P3H2: variants seen among roughly 807,000 people sequenced by gnomAD.
P3H2 encodes the protein prolyl 3-hydroxylase 2.
P3H2 carries 80 observed loss-of-function variants against 87.0 expected under a neutral mutation model. The ratio of observed to expected loss-of-function variants is 0.92; its 90% CI spans 0.77 to 1.11. The LOEUF (loss-of-function observed/expected upper bound fraction) is 1.11, where lower values mean the gene tolerates loss of function less well. Among genes scored for constraint, P3H2 ranks in the 50% least tolerant of loss-of-function variants. P3H2 has a pLI of 0.00. For missense variants in P3H2, 1,001 were observed against 923.9 expected, an observed-to-expected ratio of 1.08 and a Z score of -1.08; for synonymous variants, 367 against 359.3, an observed-to-expected ratio of 1.02 and a Z score of -0.24.
rs1577239617 is a variant in P3H2, at chr3:189,960,255, G to C, written c.2035-2251C>G. On this transcript the variant is annotated intron_variant, in intron 14 of 14. Transcript: ENST00000319332. Reference sequence around the variant, plus strand: ...CTTTCACTCCAGAATCAGTTGTCTTGTTCCATTTTCCACACATCATTGGTC... The same window carrying C: ...CTTTCACTCCAGAATCAGTTGTCTTCTTCCATTTTCCACACATCATTGGTC... Among the ~76,000 whole-genome samples, 3 of 152,198 alleles carry C rather than the reference G, an allele frequency of 2.0e-5. 1 individual carries two copies. Among genetic ancestry groups the C allele is most frequent in the South Asian group, 2.1e-4 (1 of 4,826 alleles).
At chr3:190,105,908 C>A (rs1251954418) in intron 1 of P3H2, among the ~76,000 whole-genome samples, 1 of 152,178 alleles carries the variant, frequency 6.6e-6, no homozygotes, top group Non-Finnish European at 1.5e-5. Context: ...ACTTGTAACC[C>A]TCTACTACTT....
At chr3:190,087,896 TTA>T (rs1355084281) in intron 1 of P3H2, among the ~76,000 whole-genome samples, 1 of 152,220 alleles carries the variant, frequency 6.6e-6, no homozygotes. Context: ...AGATGCCTTA[TTA>T]TATATCACAC....
At chr3:189,982,419 T>C (rs1219051274) in intron 8 of P3H2, among the ~76,000 whole-genome samples, 2 of 152,214 alleles carry the variant, frequency 1.3e-5, no homozygotes, top group Admixed American at 1.3e-4. Context: ...TGGCTCTACT[T>C]AAAAACTGTT....
At chr3:190,043,163 A>G (rs1416329410) in intron 1 of P3H2, among the ~76,000 whole-genome samples, 1 of 141,130 alleles carries the variant, frequency 7.1e-6, no homozygotes, top group Non-Finnish European at 1.6e-5. Context: ...GTGTGTGTTC[A>G]TGTGCACATG....
chr3:190,103,978 G>C (rs1378393791), intron 1 of P3H2, among the ~76,000 whole-genome samples: 1 of 152,032 alleles, frequency 6.6e-6, no homozygotes, highest in Non-Finnish European at 1.5e-5. Flanking sequence ...TTTTAGTAGA[G>C]ACGGGACTTC....
chr3:189,962,715 C>T (rs767726113), intron 14 of P3H2, among the ~76,000 whole-genome samples: 11 of 152,148 alleles, frequency 7.2e-5, no homozygotes, highest in Non-Finnish European at 1.3e-4. Context: ...TAAAAGGTCA[C>T]AATAGGTCTT....
At chr3:190,045,993 G>C (rs746920691) in intron 1 of P3H2, among the ~76,000 whole-genome samples, 4 of 152,074 alleles carry the variant, frequency 2.6e-5, no homozygotes, top group Admixed American at 6.5e-5. Context: ...CGTGGTGGCG[G>C]GCGCCTGTGG....
At chr3:190,111,286 T>G (rs1473506584) in intron 1 of P3H2, among the ~76,000 whole-genome samples, 2 of 135,632 alleles carry the variant, frequency 1.5e-5, no homozygotes, top group African/African-American at 6.4e-5. Flanking sequence ...TTAACTTCGT[T>G]AAGCTTGTGT....
chr3:190,006,141 G>A (rs1321672979), intron 1 of P3H2, among the ~76,000 whole-genome samples: 1 of 152,178 alleles, frequency 6.6e-6, no homozygotes, highest in East Asian at 1.9e-4. Context: ...AAGTTTGGGA[G>A]AGATCTACTT....
intron 1 of P3H2, among the ~76,000 whole-genome samples, chr3:190,021,435 T>C (rs1385226469): frequency 7.4e-6 from 1 of 135,560 alleles, no homozygotes; most frequent in Non-Finnish European, 1.7e-5. Flanking sequence ...TTTTTTGTTC[T>C]GTAACAAATA....
intron 1 of P3H2, among the ~76,000 whole-genome samples, chr3:190,075,049 C>G (rs1386889349): frequency 1.3e-5 from 2 of 152,260 alleles, no homozygotes; most frequent in Non-Finnish European, 2.9e-5. Flanking sequence ...CCACTCCACT[C>G]ACACCTTTTA....
At chr3:190,077,673 C>A (rs77319728) in intron 1 of P3H2, among the ~76,000 whole-genome samples, 1,632 of 152,142 alleles carry the variant, frequency 0.011, 34 homozygotes, top group African/African-American at 0.037. Flanking sequence ...TCAAAAGATA[C>A]AATGAAGGAT....
chr3:190,012,508 C>T (rs1018932530), intron 1 of P3H2, among the ~76,000 whole-genome samples: 1 of 152,126 alleles, frequency 6.6e-6, no homozygotes, highest in Non-Finnish European at 1.5e-5. Flanking sequence ...TCTCATTATT[C>T]TCTGCTGTTT....
At chr3:190,120,901 G>T (rs575524720), upstream of P3H2, 82 of 1,043,016 alleles carry the variant, frequency 7.9e-5, no homozygotes, top group African/African-American at 1.2e-3. Flanking sequence ...GAGAGGCGGA[G>T]GCCGTGCCTG....
chr3:190,023,798 A>G (rs956933399), intron 1 of P3H2, among the ~76,000 whole-genome samples: 24 of 152,226 alleles, frequency 1.6e-4, no homozygotes, highest in African/African-American at 5.3e-4. Context: ...TGGATTTGCT[A>G]TGAAGGCCAA....
At chr3:189,966,121 GAAAAAGAAAGAAAGAAA>G in intron 13 of P3H2, among the ~76,000 whole-genome samples, 1 of 70,756 alleles carries the variant, frequency 1.4e-5, no homozygotes, top group Admixed American at 1.6e-4. Flanking sequence ...AAGAAAGAAA[GAAAAAGAAAGAAAGAAA>G]GAAAGAAAGA....
intron 6 of P3H2, among the ~76,000 whole-genome samples, chr3:189,985,074 TAGA>T (rs1285300979): frequency 8.6e-5 from 13 of 152,004 alleles, no homozygotes; most frequent in Admixed American, 8.5e-4. Context: ...ATTAATATAT[TAGA>T]AGGTGTTATA....
In P3H2 at chr3:189,994,204, C is replaced by T; in HGVS notation, c.713G>A (p.Arg238Lys). 1.2e-6 allele frequency: 2 copies of T among 1,613,948 alleles called. No individual in the cohort carries two copies. Among genetic ancestry groups the T allele is most frequent in the Non-Finnish European group, 1.7e-6 (2 of 1,179,932 alleles). ...TTCTGTATCTTCAACGAAATATTCT[C>T]TTAAGGCTTGTTCGAAGTGCCTGAT... Reference protein sequence around the residue: ...MAIRHFEQALREYFVEDTECR... With the variant: ...MAIRHFEQALKEYFVEDTECR... Residue 238 changes from arginine (R) to lysine (K), a missense_variant, in exon 3 of 15, where the codon AGA becomes AAA. Transcript: ENST00000319332.
chr3:189,978,342 G>GT (rs35188967), intron 8 of P3H2, among the ~76,000 whole-genome samples: 140 of 152,228 alleles, frequency 9.2e-4, no homozygotes, highest in Non-Finnish European at 1.7e-3. Flanking sequence ...TCCATTATAA[G>GT]TATGTATTAT....
Sources: gnomAD v4.1 joint callset for allele counts (sites outside exome capture counted in the v4.1 genomes callset) on GRCh38, gnomAD v4.1.1 for gene constraint, MANE v1.5 for transcripts, NCBI Gene and HGNC (gene_info 2026-07-23, HGNC 2026-07-21) for gene names.